Variants in AGBL4 observed in about 807,000 individuals in gnomAD.
The protein encoded by AGBL4 is AGBL carboxypeptidase 4, also known as cytosolic carboxypeptidase 6.
In AGBL4, 58 loss-of-function variants were observed where a neutral mutation model predicts 66.4. That is an observed-to-expected ratio of 0.87 (90% CI 0.71 to 1.09). The LOEUF is 1.09. Among genes scored for constraint, AGBL4 ranks in the 50% least tolerant of loss-of-function variants. The pLI is 0.00. For synonymous variants in AGBL4, 234 were observed against 222.9 expected, an observed-to-expected ratio of 1.05 and a Z score of -0.44; for missense variants, 579 against 631.0, an observed-to-expected ratio of 0.92 and a Z score of 0.88.
chr1:48,725,208 TATC>T (rs1647215259), intron 6 of AGBL4, among the ~76,000 whole-genome samples: 6 of 152,214 alleles, frequency 3.9e-5, no homozygotes, highest in Admixed American at 2.6e-4. Context: ...GGAATACTCT[TATC>T]CTTTATTTTA....
intron 3 of AGBL4, among the ~76,000 whole-genome samples, chr1:49,665,945 A>C (rs1224741665): frequency 6.6e-6 from 1 of 151,376 alleles, no homozygotes; most frequent in Non-Finnish European, 1.5e-5. Flanking sequence ...TTTTTTTAAC[A>C]AAGAAGTACA....
At chr1:48,982,421 C>T (rs917226145) in intron 5 of AGBL4, among the ~76,000 whole-genome samples, 5 of 152,054 alleles carry the variant, frequency 3.3e-5, no homozygotes, top group African/African-American at 1.2e-4. Context: ...GTTCAATTCC[C>T]ACCTATGAGT....
At chr1:49,521,873 C>G (rs1253962128) in intron 3 of AGBL4, among the ~76,000 whole-genome samples, 1 of 151,354 alleles carries the variant, frequency 6.6e-6, no homozygotes, top group African/African-American at 2.4e-5. Flanking sequence ...AAACAGACAA[C>G]CCATAGAATG....
At chr1:48,750,139 G>T (rs1651451566) in intron 6 of AGBL4, among the ~76,000 whole-genome samples, 1 of 152,186 alleles carries the variant, frequency 6.6e-6, no homozygotes, top group East Asian at 1.9e-4. Context: ...GACCATATGG[G>T]ATTCATCTTT....
chr1:49,808,123 C>T, intron 2 of AGBL4, among the ~76,000 whole-genome samples: 1 of 152,228 alleles, frequency 6.6e-6, no homozygotes, highest in East Asian at 1.9e-4. Flanking sequence ...CAGATAAGAA[C>T]AGAAACAGTT....
chr1:49,629,626 C>T lies in AGBL4; in HGVS notation c.282+67687G>A, dbSNP rs536951808. Among the ~76,000 whole-genome samples, 20 of 152,218 alleles carry T rather than the reference C, an allele frequency of 1.3e-4. 1 individual carries two copies. The South Asian group carries it at 3.7e-3, about 28-fold the overall frequency. On this transcript the variant is annotated intron_variant, in intron 3 of 13. Transcript: ENST00000371839. ...TAACAGAGGCTCCACGATGATATTT[C>T]GGGTCATTGAATATAATCTCAATTT...
At chr1:49,515,492 G>A (rs1649710719) in intron 3 of AGBL4, among the ~76,000 whole-genome samples, 1 of 151,746 alleles carries the variant, frequency 6.6e-6, no homozygotes, top group Admixed American at 6.6e-5. Context: ...ATTCCTCAGG[G>A]ATCTAGAACT....
intron 3 of AGBL4, among the ~76,000 whole-genome samples, chr1:49,254,197 C>T (rs1252555948): frequency 3.3e-5 from 5 of 152,036 alleles, no homozygotes; most frequent in African/African-American, 1.2e-4. Flanking sequence ...AAATAAAGGG[C>T]ATCCAAATAG....
intron 3 of AGBL4, among the ~76,000 whole-genome samples, chr1:49,446,952 G>A (rs148726805): frequency 1.3e-5 from 2 of 152,104 alleles, no homozygotes; most frequent in Non-Finnish European, 2.9e-5. Context: ...GTGAGGCAGG[G>A]ACCCCATCCT....
chr1:49,516,468 G>A (rs1344733632), intron 3 of AGBL4, among the ~76,000 whole-genome samples: 1 of 152,032 alleles, frequency 6.6e-6, no homozygotes, highest in Non-Finnish European at 1.5e-5. Flanking sequence ...AGAAACAGAG[G>A]AAAGAAACAT....
chr1:48,576,106 T>C (rs1006491147), intron 11 of AGBL4, among the ~76,000 whole-genome samples: 5 of 152,198 alleles, frequency 3.3e-5, no homozygotes, highest in African/African-American at 1.2e-4. Context: ...ATTGGTACTG[T>C]GGCCTGTTAG....
intron 2 of AGBL4, among the ~76,000 whole-genome samples, chr1:49,788,647 A>G (rs1166676839): frequency 6.6e-6 from 1 of 152,124 alleles, no homozygotes; most frequent in East Asian, 1.9e-4. Flanking sequence ...AAATTCATGA[A>G]ATGGGCTGAA....
At chr1:49,314,393 C>A (rs1269625407) in intron 3 of AGBL4, among the ~76,000 whole-genome samples, 1 of 151,982 alleles carries the variant, frequency 6.6e-6, no homozygotes, top group Non-Finnish European at 1.5e-5. Flanking sequence ...GCCCCCATCC[C>A]CCAAGAGGCC....
At chr1:49,191,270 A>G (rs1647113353) in intron 4 of AGBL4, among the ~76,000 whole-genome samples, 1 of 152,212 alleles carries the variant, frequency 6.6e-6, no homozygotes. Flanking sequence ...CATTTCCTCC[A>G]GATTCTCCCA....
At chr1:48,527,062 G>A in the AGBL4 span, among the ~76,000 whole-genome samples, 1 of 152,264 alleles carries the variant, frequency 6.6e-6, no homozygotes, top group African/African-American at 2.4e-5. Flanking sequence ...TCTCAGAGAG[G>A]TTGAGGCTTT....
At chr1:49,775,206 T>A (rs1248626877) in intron 2 of AGBL4, among the ~76,000 whole-genome samples, 1 of 152,170 alleles carries the variant, frequency 6.6e-6, no homozygotes, top group East Asian at 1.9e-4. Flanking sequence ...ATCCATAATC[T>A]TCCACTTAAC....
intron 3 of AGBL4, among the ~76,000 whole-genome samples, chr1:49,428,871 T>C (rs920160955): frequency 2.6e-5 from 4 of 152,222 alleles, no homozygotes; most frequent in Non-Finnish European, 5.9e-5. Flanking sequence ...AGTTGGCCAC[T>C]ATAAGATCAT....
chr1:48,914,845 C>T (rs1362550561), intron 5 of AGBL4, among the ~76,000 whole-genome samples: 1 of 152,168 alleles, frequency 6.6e-6, no homozygotes, highest in African/African-American at 2.4e-5. Flanking sequence ...AGGAAGAGTT[C>T]AGGGTTTCTC....
chr1:48,653,158 G>A (rs1645959212), intron 8 of AGBL4, among the ~76,000 whole-genome samples, 179 bp downstream of exon 8: 1 of 152,200 alleles, frequency 6.6e-6, no homozygotes, highest in Admixed American at 6.5e-5. Context: ...TTAGGTGGCT[G>A]TGCATGAAAA....
Sources: allele counts gnomAD v4.1 joint callset (sites outside exome capture counted in the v4.1 genomes callset), GRCh38; gene constraint gnomAD v4.1.1; transcripts MANE v1.5; gene names NCBI Gene and HGNC (gene_info 2026-07-23, HGNC 2026-07-21).